The following DLG2 variants were observed in gnomAD, a reference collection of about 807,000 sequenced individuals.
DLG2 encodes the protein discs large MAGUK scaffold protein 2.
In DLG2, 45 loss-of-function variants were observed where a neutral mutation model predicts 132.5. The ratio of observed to expected loss-of-function variants is 0.34; its 90% CI spans 0.27 to 0.44. DLG2 has a LOEUF of 0.44. Among genes scored for constraint, DLG2 ranks in the 20% least tolerant of loss-of-function variants. The probability of loss-of-function intolerance (pLI) is 1.00; values close to 1 mark genes in which losing one functional copy is unlikely to be tolerated. For missense variants in DLG2, 1,045 were observed against 1,196.9 expected, an observed-to-expected ratio of 0.87 and a Z score of 1.87; for synonymous variants, 424 against 419.6, an observed-to-expected ratio of 1.01 and a Z score of -0.13.
chr11:84,557,576 A>T (rs1360916913), intron 6 of DLG2, among the ~76,000 whole-genome samples: 1 of 151,952 alleles, frequency 6.6e-6, no homozygotes, highest in African/African-American at 2.4e-5. Flanking sequence ...TCATTGAGAA[A>T]TTTATTTATG....
chr11:85,512,811 A>G (rs1241948465), intron 3 of DLG2, among the ~76,000 whole-genome samples: 2 of 152,256 alleles, frequency 1.3e-5, no homozygotes, highest in East Asian at 1.9e-4. Context: ...AAATGAAATT[A>G]TCATTCGACC....
chr11:85,426,005 C>T (rs1049677810), intron 3 of DLG2, among the ~76,000 whole-genome samples: 6 of 152,212 alleles, frequency 3.9e-5, no homozygotes, highest in Non-Finnish European at 7.3e-5. Context: ...GCGCCTGATT[C>T]GGAGGGTCCT....
chr11:84,606,255 A>G (rs916834884), intron 6 of DLG2, among the ~76,000 whole-genome samples: 3 of 152,146 alleles, frequency 2.0e-5, no homozygotes, highest in African/African-American at 7.2e-5. Context: ...TAAATGCACA[A>G]TATTAGGGAA....
intron 6 of DLG2, among the ~76,000 whole-genome samples, chr11:84,962,178 A>G (rs559944302): frequency 3.5e-4 from 53 of 152,362 alleles, no homozygotes; most frequent in African/African-American, 1.3e-3. Flanking sequence ...CCATTTACAG[A>G]TAGCATATTA....
At chr11:83,467,242 C>G (rs773188005) in intron 25 of DLG2, among the ~76,000 whole-genome samples, 5 of 152,186 alleles carry the variant, frequency 3.3e-5, no homozygotes, top group Non-Finnish European at 5.9e-5. Flanking sequence ...CACTAACTAA[C>G]TTGCCCAATA....
rs570487149 is a variant in DLG2, at chr11:83,686,447, C to A, written c.1826-53122G>T. 1.0e-3 allele frequency among the ~76,000 whole-genome samples: 154 copies of A among 152,030 alleles called. 1 individual carries two copies. The highest frequency in any genetic ancestry group is 8.9e-3 in the South Asian group (43 of 4,818). ...ATATTTTATAGTTCTTTGTTCATTTCTTTACTTTTGCTCCTCTACCCAACT... is the reference window on the plus strand; with the variant it reads ...ATATTTTATAGTTCTTTGTTCATTTATTTACTTTTGCTCCTCTACCCAACT... On this transcript the variant is annotated intron_variant, in intron 18 of 27. Coordinates refer to ENST00000376104, the MANE Select transcript of DLG2 (RefSeq NM_001142699.3).
rs191303399 is a variant in DLG2, at chr11:85,187,335, G to T, written c.187-32684C>A. 4.6e-5 allele frequency among the ~76,000 whole-genome samples: 7 copies of T among 152,092 alleles called. No individual in the cohort carries two copies. In the East Asian group the frequency reaches 1.4e-3, roughly 29 times the overall value. On this transcript the variant is annotated intron_variant, in intron 4 of 27. Coordinates refer to ENST00000376104, the MANE Select transcript of DLG2 (RefSeq NM_001142699.3). The stretch of plus-strand genomic sequence containing the variant: ...AGAATACCTATATGAAAAGCCAAAG[G>T]GGGAGAAAAGAACAAATAAAAATAT...
At chr11:84,632,221 C>T (rs547748312) in intron 6 of DLG2, among the ~76,000 whole-genome samples, 1 of 151,644 alleles carries the variant, frequency 6.6e-6, no homozygotes, top group African/African-American at 2.4e-5. Flanking sequence ...CACTTGTCAA[C>T]AAGAACAGCA....
intron 18 of DLG2, among the ~76,000 whole-genome samples, chr11:83,706,216 TAAA>T (rs34352995): frequency 7.4e-6 from 1 of 134,774 alleles, no homozygotes; most frequent in Non-Finnish European, 1.6e-5. Context: ...AGACTCCATC[TAAA>T]AAAAAAAAAA....
chr11:84,266,982 G>C (rs114616611), intron 7 of DLG2, among the ~76,000 whole-genome samples: 8 of 152,306 alleles, frequency 5.3e-5, no homozygotes, highest in African/African-American at 1.9e-4. Flanking sequence ...ATGTCATGTG[G>C]AGATAAAAGA....
chr11:84,282,895 TA>T (rs1245999756), intron 7 of DLG2, among the ~76,000 whole-genome samples: 2 of 152,192 alleles, frequency 1.3e-5, no homozygotes, highest in African/African-American at 4.8e-5. Flanking sequence ...TTCAGAGCCA[TA>T]ACTCAATGAT....
At chr11:84,841,855 A>G (rs939071823) in intron 6 of DLG2, among the ~76,000 whole-genome samples, 2 of 152,030 alleles carry the variant, frequency 1.3e-5, no homozygotes, top group African/African-American at 2.4e-5. Context: ...AATTTTTTTA[A>G]CCATTCCTCT....
At chr11:83,893,685 A>C (rs868430520) in intron 15 of DLG2, among the ~76,000 whole-genome samples, 1 of 152,138 alleles carries the variant, frequency 6.6e-6, no homozygotes, top group Non-Finnish European at 1.5e-5. Context: ...TTATTTTCCA[A>C]TTGAGAGTAT....
chr11:84,860,377 T>A (rs2083445086), intron 6 of DLG2, among the ~76,000 whole-genome samples: 1 of 152,150 alleles, frequency 6.6e-6, no homozygotes, highest in Admixed American at 6.6e-5. Context: ...TTAAGTACTT[T>A]CTGACTGACT....
intron 6 of DLG2, among the ~76,000 whole-genome samples, chr11:84,951,577 C>A (rs1378462767): frequency 6.6e-6 from 1 of 150,656 alleles, no homozygotes; most frequent in African/African-American, 2.4e-5. Context: ...ATGTACATGG[C>A]TTTAATACAT....
At chr11:84,269,646 C>T (rs952701579) in intron 7 of DLG2, among the ~76,000 whole-genome samples, 3 of 152,180 alleles carry the variant, frequency 2.0e-5, no homozygotes, top group African/African-American at 4.8e-5. Flanking sequence ...TAATAAGCCG[C>T]ATAACCTTCA....
chr11:84,045,816 G>C lies in DLG2; in HGVS notation c.919+13499C>G, dbSNP rs191113062. Reference sequence around the variant, plus strand: ...TGAATCAAGAATGGTTAATGAACTGGGGGTCTTAATCTAAAGGAAAGAGTC... The same window carrying C: ...TGAATCAAGAATGGTTAATGAACTGCGGGTCTTAATCTAAAGGAAAGAGTC... On this transcript the variant is annotated intron_variant, in intron 11 of 27. Transcript: ENST00000376104. Among the ~76,000 whole-genome samples, 16 of 151,646 alleles carry C rather than the reference G, an allele frequency of 1.1e-4. No homozygotes were observed. The East Asian group carries it at 2.9e-3, about 28-fold the overall frequency.
chr11:85,316,184 C>A (rs563902752), intron 3 of DLG2, among the ~76,000 whole-genome samples: 2 of 151,972 alleles, frequency 1.3e-5, no homozygotes, highest in South Asian at 4.1e-4. Context: ...AAATAAACTA[C>A]TACTATTTAA....
At chr11:84,982,681 A>C (rs1016796698) in intron 6 of DLG2, among the ~76,000 whole-genome samples, 1 of 152,118 alleles carries the variant, frequency 6.6e-6, no homozygotes, top group Non-Finnish European at 1.5e-5. Flanking sequence ...AAAATCCTTA[A>C]ACAAAATATC....
Sources: allele counts gnomAD v4.1 joint callset (sites outside exome capture counted in the v4.1 genomes callset), GRCh38; gene constraint gnomAD v4.1.1; transcripts MANE v1.5; gene names NCBI Gene and HGNC (gene_info 2026-07-23, HGNC 2026-07-21).